Variants in HEMK2 observed in about 807,000 individuals in gnomAD.
The protein encoded by HEMK2 is HemK methyltransferase 2, ETF1 glutamine and histone H4 lysine, also known as methyltransferase HEMK2.
chr21:28,775,572 T>TC, the HEMK2 span, among the ~76,000 whole-genome samples: 1 of 152,162 alleles, frequency 6.6e-6, no homozygotes, highest in South Asian at 2.1e-4. Flanking sequence ...GGGAGAACTA[T>TC]CCAAGTGTCA....
chr21:28,613,097 AAGATAGAT>A, the HEMK2 span, among the ~76,000 whole-genome samples: 777 of 150,894 alleles, frequency 5.1e-3, 9 homozygotes, highest in African/African-American at 0.016. Flanking sequence ...GATAGATAGA[AAGATAGAT>A]AGATAGATAG....
chr21:28,598,875 C>T, the HEMK2 span, among the ~76,000 whole-genome samples: 2 of 152,120 alleles, frequency 1.3e-5, no homozygotes, highest in Non-Finnish European at 2.9e-5. Context: ...CCTGAGTAAG[C>T]ATTAACATGA....
chr21:28,600,161 G>A, the HEMK2 span, among the ~76,000 whole-genome samples: 3 of 152,278 alleles, frequency 2.0e-5, no homozygotes, highest in Non-Finnish European at 4.4e-5. Flanking sequence ...GGGACTCTGT[G>A]TGGGGGCTTT....
At chr21:28,738,698 C>T in the HEMK2 span, among the ~76,000 whole-genome samples, 9 of 152,362 alleles carry the variant, frequency 5.9e-5, 2 homozygotes, top group African/African-American at 2.2e-4. Context: ...TCCGAAACAA[C>T]AGAGCTTACG....
chr21:28,722,672 G>A, the HEMK2 span, among the ~76,000 whole-genome samples: 3 of 152,176 alleles, frequency 2.0e-5, no homozygotes, highest in African/African-American at 4.8e-5. Context: ...ACCTGAGGTC[G>A]GGAGTTCAAG....
the HEMK2 span, among the ~76,000 whole-genome samples, chr21:28,842,827 A>T: frequency 6.6e-6 from 1 of 152,142 alleles, no homozygotes; most frequent in Non-Finnish European, 1.5e-5. Flanking sequence ...CTGATTGTAT[A>T]CAGAGAATCA....
the HEMK2 span, among the ~76,000 whole-genome samples, chr21:28,829,947 C>T: frequency 6.6e-6 from 1 of 152,108 alleles, no homozygotes. Context: ...TCCCAACTCC[C>T]AATACGGAAT....
chr21:28,631,979 C>T, the HEMK2 span, among the ~76,000 whole-genome samples: 6 of 152,164 alleles, frequency 3.9e-5, no homozygotes, highest in African/African-American at 1.2e-4. Context: ...CAACAGTATC[C>T]AGTAAACACA....
At chr21:28,871,334 C>A in the HEMK2 span, among the ~76,000 whole-genome samples, 1 of 151,946 alleles carries the variant, frequency 6.6e-6, no homozygotes, top group Non-Finnish European at 1.5e-5. Flanking sequence ...GAAGGAGGCA[C>A]GTCCACATGG....
chr21:28,594,264 G>A, the HEMK2 span, among the ~76,000 whole-genome samples: 1 of 152,136 alleles, frequency 6.6e-6, no homozygotes, highest in East Asian at 1.9e-4. Context: ...AACTTAACGT[G>A]ATATCATGTA....
At chr21:28,872,566 G>C in the HEMK2 span, 2 of 152,176 alleles carry the variant, frequency 1.3e-5, no homozygotes, top group African/African-American at 4.8e-5. Context: ...CTGTTTTATA[G>C]ATTGGTCTAA....
the HEMK2 span, among the ~76,000 whole-genome samples, chr21:28,783,591 G>A: frequency 6.6e-6 from 1 of 152,372 alleles, no homozygotes; most frequent in South Asian, 2.1e-4. Flanking sequence ...ATTGAGAGGT[G>A]ACAGTGTGCT....
the HEMK2 span, among the ~76,000 whole-genome samples, chr21:28,755,151 C>T: frequency 6.6e-6 from 1 of 152,054 alleles, no homozygotes; most frequent in Non-Finnish European, 1.5e-5. Context: ...TCATCATCAC[C>T]AGGGATAGGA....
the HEMK2 span, among the ~76,000 whole-genome samples, chr21:28,789,709 G>A: frequency 6.1e-4 from 93 of 152,290 alleles, no homozygotes; most frequent in Middle Eastern, 3.4e-3. Context: ...GCAAGCAACA[G>A]CAAGCCCACA....
the HEMK2 span, among the ~76,000 whole-genome samples, chr21:28,727,173 T>C: frequency 6.6e-6 from 1 of 152,024 alleles, no homozygotes. Flanking sequence ...GAAAAGCAAA[T>C]ATAGGGGATT....
the HEMK2 span, among the ~76,000 whole-genome samples, chr21:28,657,054 T>C: frequency 1.3e-5 from 2 of 152,106 alleles, no homozygotes; most frequent in African/African-American, 4.8e-5. Context: ...TTCTTGCTGA[T>C]CATTTTTTGT....
chr21:28,708,613 T>C, the HEMK2 span, among the ~76,000 whole-genome samples: 1 of 152,222 alleles, frequency 6.6e-6, no homozygotes, highest in Non-Finnish European at 1.5e-5. Context: ...GAAAGTATTA[T>C]GGTGTGGTTT....
At chr21:28,787,615 C>T in the HEMK2 span, among the ~76,000 whole-genome samples, 44 of 152,276 alleles carry the variant, frequency 2.9e-4, no homozygotes, top group African/African-American at 9.4e-4. Flanking sequence ...AAATGCTCAA[C>T]GTTACTAATG....
the HEMK2 span, among the ~76,000 whole-genome samples, chr21:28,833,795 C>A: frequency 6.6e-6 from 1 of 152,138 alleles, no homozygotes; most frequent in Non-Finnish European, 1.5e-5. Flanking sequence ...CAGTGAGTCA[C>A]TAAATTTTTT....
Sources: allele counts gnomAD v4.1 joint callset (sites outside exome capture counted in the v4.1 genomes callset), GRCh38; gene constraint gnomAD v4.1.1; transcripts MANE v1.5; gene names NCBI Gene and HGNC (gene_info 2026-07-23, HGNC 2026-07-21).